OTOGL: variants seen among roughly 807,000 people sequenced by gnomAD.
OTOGL encodes the protein otogelin-like protein.
OTOGL carries 285 observed loss-of-function variants against 318.5 expected under a neutral mutation model. The observed-to-expected ratio is 0.89, with a 90% confidence interval of 0.81 to 0.99. The LOEUF is 0.99. Among genes scored for constraint, OTOGL ranks in the 50% least tolerant of loss-of-function variants. The pLI is 0.00. For synonymous variants in OTOGL, 987 were observed against 936.5 expected, an observed-to-expected ratio of 1.05 and a Z score of -0.99; for missense variants, 2,899 against 2,845.6, an observed-to-expected ratio of 1.02 and a Z score of -0.43.
chr12:80,164,946 C>A (rs1565885031), intron 1 of OTOGL, among the ~76,000 whole-genome samples: 1 of 152,020 alleles, frequency 6.6e-6, no homozygotes, highest in Non-Finnish European at 1.5e-5. Flanking sequence ...GGGGAAATTT[C>A]TTGGTATGAA....
At chr12:80,341,764 T>C (rs557996645) in intron 43 of OTOGL, among the ~76,000 whole-genome samples, 184 bp from the exon 44 acceptor site, 2 of 152,322 alleles carry the variant, frequency 1.3e-5, no homozygotes, top group South Asian at 4.1e-4. Flanking sequence ...TTCTACACTA[T>C]TTTATCAAAA....
intron 56 of OTOGL, among the ~76,000 whole-genome samples, chr12:80,371,581 A>AT (rs564079371): frequency 3.3e-5 from 5 of 152,222 alleles, no homozygotes; most frequent in African/African-American, 1.2e-4. Flanking sequence ...GGAAGGAAAT[A>AT]TTTTTTCATA....
chr12:80,142,474 A>G (rs1032937175), intron 1 of OTOGL, among the ~76,000 whole-genome samples: 1 of 152,172 alleles, frequency 6.6e-6, no homozygotes, highest in Non-Finnish European at 1.5e-5. Context: ...TTGTGCCAAG[A>G]TATAAACTCC....
At chr12:80,148,825 C>G (rs538444530) in intron 1 of OTOGL, among the ~76,000 whole-genome samples, 1 of 152,184 alleles carries the variant, frequency 6.6e-6, no homozygotes, top group East Asian at 1.9e-4. Flanking sequence ...TGCTGATACC[C>G]TTTCTTCCAG....
chr12:80,369,276 G>A (rs764752020), intron 55 of OTOGL, among the ~76,000 whole-genome samples: 1 of 152,022 alleles, frequency 6.6e-6, no homozygotes, highest in Non-Finnish European at 1.5e-5. Flanking sequence ...AGCGTGTAAT[G>A]TAAGGTTTCA....
At chr12:80,183,086 T>A (rs1454141726) in intron 1 of OTOGL, among the ~76,000 whole-genome samples, 4 of 152,240 alleles carry the variant, frequency 2.6e-5, no homozygotes, top group Non-Finnish European at 5.9e-5. Flanking sequence ...TATAAAAATA[T>A]ATAATGCTTA....
chr12:80,179,195 T>C (rs1874746282), intron 1 of OTOGL, among the ~76,000 whole-genome samples: 3 of 152,174 alleles, frequency 2.0e-5, no homozygotes, highest in African/African-American at 7.2e-5. Flanking sequence ...ACTCGAGCTT[T>C]CTTATTAGTG....
At chr12:80,297,613 A>G (rs1343767116) in intron 27 of OTOGL, among the ~76,000 whole-genome samples, 1 of 152,144 alleles carries the variant, frequency 6.6e-6, no homozygotes, top group African/African-American at 2.4e-5. Flanking sequence ...GATTACAGGC[A>G]TGAGCCACCG....
At chr12:80,103,012 T>C in intron 1 of OTOGL, 2 of 957,706 alleles carry the variant, frequency 2.1e-6, no homozygotes, top group Non-Finnish European at 3.4e-6. Flanking sequence ...AGTTTTAGCC[T>C]AGTGATAACC....
intron 46 of OTOGL, 64 bp downstream of exon 46, chr12:80,353,574 A>G: frequency 2.4e-6 from 3 of 1,260,010 alleles, no homozygotes; most frequent in Non-Finnish European, 3.1e-6. Context: ...CATTTTTTAG[A>G]TATTGCAGAG....
chr12:80,323,745 C>A lies in OTOGL; in HGVS notation c.4104C>A (p.Tyr1368Ter), dbSNP rs1887499405. 1.9e-6 allele frequency: 3 copies of A among 1,613,668 alleles called. No individual in the cohort carries two copies. Among genetic ancestry groups the A allele is most frequent in the African/African-American group, 1.3e-5 (1 of 74,932 alleles). Residue 1368 changes from tyrosine to a stop codon, truncating the protein, a stop_gained, in exon 35 of 59, where the codon TAC (tyrosine) becomes TAA (stop). Coordinates refer to ENST00000547103, the MANE Select transcript of OTOGL (RefSeq NM_001378609.3). LOFTEE classifies it high-confidence loss of function. ...SIEEIQAAVP[Y>*]RKMCEWRYEP... Reference sequence around the variant, plus strand: ...CAGAAATCCAGGCAGCAGTGCCTTACAGGAAGATGTGTGAATGGAGATATG... The same window carrying A: ...CAGAAATCCAGGCAGCAGTGCCTTAAAGGAAGATGTGTGAATGGAGATATG...
At chr12:80,205,280 CAA>C (rs1037948760) in intron 1 of OTOGL, among the ~76,000 whole-genome samples, 1 of 152,040 alleles carries the variant, frequency 6.6e-6, no homozygotes, top group Non-Finnish European at 1.5e-5. Context: ...AAAATGTTGA[CAA>C]GAGAAAACTT....
chr12:80,222,524 C>T (rs1878449057), intron 7 of OTOGL, among the ~76,000 whole-genome samples: 1 of 152,082 alleles, frequency 6.6e-6, no homozygotes, highest in African/African-American at 2.4e-5. Flanking sequence ...GTTACATAAG[C>T]ACAGGCTATC....
chr12:80,144,047 C>CA (rs1054745949), intron 1 of OTOGL, among the ~76,000 whole-genome samples: 10 of 141,512 alleles, frequency 7.1e-5, no homozygotes, highest in Non-Finnish European at 1.4e-4. Context: ...TTGTGCTTTT[C>CA]TTTTTTTTTT....
intron 24 of OTOGL, among the ~76,000 whole-genome samples, chr12:80,277,344 T>A (rs1305844669): frequency 6.8e-6 from 1 of 147,452 alleles, no homozygotes; most frequent in Non-Finnish European, 1.5e-5. Flanking sequence ...GAAATATATA[T>A]TTATATTAAA....
At chr12:80,147,217 C>A (rs1872444990) in intron 1 of OTOGL, among the ~76,000 whole-genome samples, 1 of 151,158 alleles carries the variant, frequency 6.6e-6, no homozygotes, top group Admixed American at 6.6e-5. Context: ...CCTCTACACA[C>A]TGCTTTGAAT....
intron 1 of OTOGL, among the ~76,000 whole-genome samples, chr12:80,207,168 A>G (rs1389149657): frequency 1.3e-5 from 2 of 152,072 alleles, no homozygotes; most frequent in African/African-American, 2.4e-5. Context: ...ACTTTGGTTT[A>G]TGCTTGAGAT....
Position 80,342,042 on chromosome 12 carries a change from G to A in OTOGL, c.5145G>A (p.Trp1715Ter), listed in dbSNP as rs749086609. 119 of 1,607,548 alleles carry A rather than the reference G, an allele frequency of 7.4e-5. No individual in the cohort carries two copies. Among genetic ancestry groups the A allele is most frequent in the Non-Finnish European group, 9.8e-5 (115 of 1,176,274 alleles). Reference sequence around the variant, plus strand: ...ACATAGGATTATTTATTGAGAGCTGGGAAATTGAGAAATCATTTGAAGTAA... The same window carrying A: ...ACATAGGATTATTTATTGAGAGCTGAGAAATTGAGAAATCATTTGAAGTAA... ...MEDIGLFIESWEIEKSFEVTM... is the reference protein window; with the variant it reads ...MEDIGLFIES Residue 1715 changes from tryptophan (W) to a stop codon, truncating the protein, a stop_gained, in exon 44 of 59, where the codon TGG (tryptophan) becomes TGA (stop). Transcript: ENST00000547103. LOFTEE classifies it high-confidence loss of function.
At chr12:80,251,638 A>G (rs1881554666) in intron 11 of OTOGL, 55 bp from the exon 12 acceptor site, 1 of 1,384,072 alleles carries the variant, frequency 7.2e-7, no homozygotes, top group African/African-American at 1.4e-5. Context: ...CCTCAATGGT[A>G]TGGTTTCTGT....
Sources: gnomAD v4.1 joint callset for allele counts (sites outside exome capture counted in the v4.1 genomes callset) on GRCh38, gnomAD v4.1.1 for gene constraint, MANE v1.5 for transcripts, NCBI Gene and HGNC (gene_info 2026-07-23, HGNC 2026-07-21) for gene names.